SYN3: variants seen among roughly 807,000 people sequenced by gnomAD.
The protein encoded by SYN3 is synapsin-3.
Under a neutral mutation model 65.8 loss-of-function variants are expected in SYN3, and 35 were observed. That is an observed-to-expected ratio of 0.53 (90% CI 0.41 to 0.70). The LOEUF is 0.70. Ranked by LOEUF, SYN3 falls within the 30% of genes least tolerant of loss-of-function variation. SYN3 has a pLI of 0.00. For synonymous variants in SYN3, 270 were observed against 292.9 expected (o/e 0.92, Z 0.80); for missense variants, 680 against 749.0 (o/e 0.91, Z 1.08).
chr22:33,015,840 C>CTTTTTTTTTTTTT (rs758927603), intron 1 of SYN3, among the ~76,000 whole-genome samples: 2 of 139,982 alleles, frequency 1.4e-5, no homozygotes, highest in Non-Finnish European at 1.5e-5. Context: ...GGCAAATTTT[C>CTTTTTTTTTTTTT]TTTTCTTTTT....
At chr22:32,591,542 T>C (rs1015291933) in intron 7 of SYN3, among the ~76,000 whole-genome samples, 1 of 152,242 alleles carries the variant, frequency 6.6e-6, no homozygotes, top group Non-Finnish European at 1.5e-5. Context: ...CAAACCTATA[T>C]GACAAAAATA....
intron 6 of SYN3, among the ~76,000 whole-genome samples, chr22:32,752,875 A>T (rs2045173848): frequency 6.6e-6 from 1 of 152,124 alleles, no homozygotes; most frequent in Non-Finnish European, 1.5e-5. Flanking sequence ...CTCTGGCGGA[A>T]GTGTGTGGGA....
At chr22:32,929,443 T>A (rs1308406147) in intron 4 of SYN3, among the ~76,000 whole-genome samples, 2 of 152,210 alleles carry the variant, frequency 1.3e-5, no homozygotes, top group African/African-American at 4.8e-5. Flanking sequence ...TCTGTCTCCA[T>A]TGTCTATTGT....
At chr22:33,047,863 C>CAAAAAAAAAAAAAA (rs58025351) in intron 1 of SYN3, among the ~76,000 whole-genome samples, 1 of 53,564 alleles carries the variant, frequency 1.9e-5, no homozygotes, top group Non-Finnish European at 4.2e-5. Flanking sequence ...TTTTCATGTG[C>CAAAAAAAAAAAAAA]AAAAAAAAAA....
chr22:32,975,524 G>T (rs1356251307), intron 3 of SYN3, among the ~76,000 whole-genome samples: 2 of 152,054 alleles, frequency 1.3e-5, no homozygotes, highest in African/African-American at 4.8e-5. Context: ...TGAACTCCTG[G>T]GCTCAAGCAG....
At chr22:32,797,176 C>G (rs1033951193) in intron 6 of SYN3, among the ~76,000 whole-genome samples, 1 of 152,172 alleles carries the variant, frequency 6.6e-6, no homozygotes, top group Non-Finnish European at 1.5e-5. Context: ...CCCCCTAGCA[C>G]CAGCCAGCGG....
intron 6 of SYN3, among the ~76,000 whole-genome samples, chr22:32,772,677 A>AGG (rs2045805418): frequency 1.3e-5 from 2 of 152,186 alleles, no homozygotes; most frequent in African/African-American, 4.8e-5. Flanking sequence ...GAAGAGGCAG[A>AGG]GGGAGACTTA....
chr22:32,652,519 T>C (rs1179098327), intron 6 of SYN3, among the ~76,000 whole-genome samples: 1 of 152,016 alleles, frequency 6.6e-6, no homozygotes, highest in African/African-American at 2.4e-5. Flanking sequence ...AAGTTGTGAA[T>C]GCAAATGGTT....
intron 1 of SYN3, among the ~76,000 whole-genome samples, chr22:33,038,892 C>G (rs536058775): frequency 6.6e-6 from 1 of 152,350 alleles, no homozygotes; most frequent in East Asian, 1.9e-4. Flanking sequence ...GGCGGAAGCC[C>G]CGGGGCTGTT....
chr22:32,660,863 A>G (rs1162365269), intron 6 of SYN3, among the ~76,000 whole-genome samples: 6 of 151,512 alleles, frequency 4.0e-5, no homozygotes, highest in Admixed American at 3.3e-4. Flanking sequence ...CCTAAGGACC[A>G]CCACCCAGGC....
At chr22:32,932,394 G>A (rs1327647745) in intron 3 of SYN3, among the ~76,000 whole-genome samples, 4 of 152,124 alleles carry the variant, frequency 2.6e-5, no homozygotes, top group African/African-American at 9.7e-5. Flanking sequence ...GGAAGAATGA[G>A]ATACTCTTCC....
intron 6 of SYN3, among the ~76,000 whole-genome samples, chr22:32,765,613 C>T (rs891816982): frequency 5.9e-5 from 9 of 152,084 alleles, no homozygotes; most frequent in Non-Finnish European, 1.2e-4. Context: ...TCGCCACAAA[C>T]GGAAACTACT....
chr22:32,625,403 T>G (rs1234571277), intron 6 of SYN3, among the ~76,000 whole-genome samples: 1 of 152,212 alleles, frequency 6.6e-6, no homozygotes, highest in Non-Finnish European at 1.5e-5. Context: ...TGCTCTAGTT[T>G]GTCACCAACC....
intron 4 of SYN3, among the ~76,000 whole-genome samples, chr22:32,876,928 AATAG>A (rs1414087397): frequency 3.3e-5 from 5 of 152,374 alleles, no homozygotes; most frequent in East Asian, 1.9e-4. Flanking sequence ...CACATGCATA[AATAG>A]ATAGATAAAT....
chr22:32,918,215 G>A (rs938443022), intron 4 of SYN3, among the ~76,000 whole-genome samples: 12 of 152,242 alleles, frequency 7.9e-5, no homozygotes, highest in African/African-American at 2.4e-4. Flanking sequence ...AGGTGCTGGG[G>A]CCACAATTCG....
intron 2 of SYN3, among the ~76,000 whole-genome samples, chr22:32,991,654 T>C (rs1185745536): frequency 1.3e-5 from 2 of 152,202 alleles, no homozygotes; most frequent in Admixed American, 6.5e-5. Context: ...TGCTTTTTCC[T>C]ACCACCTGCC....
At position 32,513,608 on chromosome 22, in the gene SYN3, T is replaced by C. The variant is rs1208724259; in HGVS notation, c.*84A>G. 2.6e-6 allele frequency: 4 copies of C among 1,549,486 alleles called. No individual in the cohort carries two copies. The highest frequency in any genetic ancestry group is 3.5e-6 in the Non-Finnish European group (4 of 1,138,634). ...TCTCAGGCCCTCCATTCTGTTCCCA[T>C]CAGGAACCAAGGCTGAGAAGGAAGA... On this transcript the variant is annotated 3_prime_UTR_variant, in exon 14 of 14. Transcript: ENST00000358763.
chr22:32,513,933 G>C, intron 13 of SYN3, 109 bp from the exon 14 acceptor site: 1 of 1,386,720 alleles, frequency 7.2e-7, no homozygotes, highest in Non-Finnish European at 9.8e-7. Context: ...TCATCATAAG[G>C]TTATGAAGAC....
At chr22:32,978,836 T>A (rs1171053613) in intron 3 of SYN3, among the ~76,000 whole-genome samples, 1 of 152,090 alleles carries the variant, frequency 6.6e-6, no homozygotes, top group Non-Finnish European at 1.5e-5. Context: ...TAATATGGCA[T>A]CTAGCAAATA....
Sources: gnomAD v4.1 joint callset for allele counts (sites outside exome capture counted in the v4.1 genomes callset) on GRCh38, gnomAD v4.1.1 for gene constraint, MANE v1.5 for transcripts, NCBI Gene and HGNC (gene_info 2026-07-23, HGNC 2026-07-21) for gene names.